Variants in MCTP1 observed in about 807,000 individuals in gnomAD.
MCTP1 encodes the protein multiple C2 and transmembrane domain containing 1.
A neutral mutation model predicts 120.6 loss-of-function variants in MCTP1; 69 were observed. That is an observed-to-expected ratio of 0.57 (90% CI 0.47 to 0.70). The LOEUF is 0.70. MCTP1 is among the 30% of genes least tolerant of loss of function. The pLI is 0.00. For synonymous variants in MCTP1, 529 were observed against 493.1 expected (o/e 1.07, Z -0.96); for missense variants, 1,203 against 1,248.8 (o/e 0.96, Z 0.55).
intron 1 of MCTP1, among the ~76,000 whole-genome samples, chr5:95,056,319 T>C (rs1304285634): frequency 6.6e-6 from 1 of 152,168 alleles, no homozygotes; most frequent in East Asian, 1.9e-4. Flanking sequence ...AAACTTTATA[T>C]AGACAGGGTG....
chr5:95,138,029 G>A (rs998061219), intron 1 of MCTP1, among the ~76,000 whole-genome samples: 3 of 152,046 alleles, frequency 2.0e-5, no homozygotes, highest in African/African-American at 4.8e-5. Context: ...TAACAATCAC[G>A]CAAATGTGTT....
At chr5:95,024,745 C>A (rs1838910812) in intron 1 of MCTP1, among the ~76,000 whole-genome samples, 2 of 151,660 alleles carry the variant, frequency 1.3e-5, no homozygotes, top group Admixed American at 6.6e-5. Flanking sequence ...GAGACAAAAT[C>A]AACTTACAAA....
chr5:94,933,527 C>T (rs1278766298), intron 5 of MCTP1, among the ~76,000 whole-genome samples: 14 of 151,734 alleles, frequency 9.2e-5, no homozygotes, highest in Admixed American at 9.2e-4. Context: ...TCTCACCAAG[C>T]AGAGTTTCAA....
intron 17 of MCTP1, chr5:94,867,439 G>A: frequency 2.1e-6 from 2 of 965,758 alleles, no homozygotes; most frequent in East Asian, 2.6e-5. Context: ...TCATTTGAAT[G>A]GTAATACTAA....
chr5:94,934,755 T>TTA (rs1554142483), intron 5 of MCTP1, among the ~76,000 whole-genome samples: 1 of 151,020 alleles, frequency 6.6e-6, no homozygotes, highest in African/African-American at 2.4e-5. Flanking sequence ...TTTTTTTTTT[T>TTA]ACTCATCAAA....
chr5:94,939,856 A>T (rs1817148363), intron 5 of MCTP1, among the ~76,000 whole-genome samples: 1 of 152,044 alleles, frequency 6.6e-6, no homozygotes, highest in Admixed American at 6.6e-5. Context: ...AAAAATTCAA[A>T]TCTATTTCTT....
chr5:94,848,863 T>C (rs1417020128), intron 17 of MCTP1, among the ~76,000 whole-genome samples: 1 of 151,960 alleles, frequency 6.6e-6, no homozygotes, highest in African/African-American at 2.4e-5. Flanking sequence ...GCATCTTATT[T>C]TGTAGAAATT....
intron 2 of MCTP1, among the ~76,000 whole-genome samples, chr5:94,991,889 A>AAT (rs202170710): frequency 0.046 from 6,920 of 151,452 alleles, 281 homozygotes; most frequent in East Asian, 0.085. Context: ...AAAAAAAATA[A>AAT]AAATAAATAA....
Position 95,205,614 on chromosome 5 carries a change from T to C in MCTP1, c.720+78242A>G, listed in dbSNP as rs146166551. ...TGATAAGGGACTTGTATCTAGAATA[T>C]ATAAAGAACTTTTACACACAATACA... is the stretch of plus-strand genomic sequence containing the variant. On this transcript the variant is annotated intron_variant, in intron 1 of 22. Transcript: ENST00000515393. Among the ~76,000 whole-genome samples, 547 of 152,238 alleles carry C rather than the reference T, an allele frequency of 3.6e-3. 5 individuals carry two copies. Among genetic ancestry groups the C allele is most frequent in the African/African-American group, 0.012 (504 of 41,550 alleles).
At chr5:94,948,306 A>G (rs1027234339) in intron 3 of MCTP1, among the ~76,000 whole-genome samples, 10 of 152,212 alleles carry the variant, frequency 6.6e-5, no homozygotes, top group African/African-American at 2.4e-4. Context: ...TCTGGCATTT[A>G]GCACTCTTCT....
At chr5:95,035,637 G>A (rs1030385) in intron 1 of MCTP1, among the ~76,000 whole-genome samples, 123,551 of 151,930 alleles carry the variant, frequency 0.81, 51,671 homozygotes, top group South Asian at 0.93. Context: ...CTATTTGGGT[G>A]ATAGGTTCAC....
At chr5:94,753,749 C>T (rs1769075312) in intron 19 of MCTP1, among the ~76,000 whole-genome samples, 1 of 152,138 alleles carries the variant, frequency 6.6e-6, no homozygotes, top group African/African-American at 2.4e-5. Context: ...ATGGGAGGAC[C>T]AATGAACATG....
intron 1 of MCTP1, among the ~76,000 whole-genome samples, chr5:95,064,286 C>G (rs1750033026): frequency 6.6e-6 from 1 of 152,200 alleles, no homozygotes; most frequent in Non-Finnish European, 1.5e-5. Flanking sequence ...TAATGATACA[C>G]CAATAACCAC....
rs775744631 is a variant in MCTP1, at chr5:94,870,408, G to C, written c.2316+9C>G. On this transcript the variant is annotated intron_variant, in intron 16 of 22. Coordinates refer to ENST00000515393, the MANE Select transcript of MCTP1 (RefSeq NM_024717.7). ...TTCCCAGAGGGATTAATCTTTTCTT[G>C]CTTTTTACCTGTTTAGAGAGTCTGT... 5 of 1,579,430 alleles carry C rather than the reference G, an allele frequency of 3.2e-6. No individual in the cohort carries two copies. The highest frequency in any genetic ancestry group is 2.2e-5 in the East Asian group (1 of 44,626).
chr5:95,112,240 G>A (rs1757514053), intron 1 of MCTP1, among the ~76,000 whole-genome samples: 1 of 152,128 alleles, frequency 6.6e-6, no homozygotes, highest in Non-Finnish European at 1.5e-5. Flanking sequence ...AGTGATGCCA[G>A]AGGACAGCTC....
chr5:94,718,206 C>T (rs1305442656), intron 19 of MCTP1, among the ~76,000 whole-genome samples: 3 of 151,990 alleles, frequency 2.0e-5, no homozygotes, highest in Admixed American at 6.6e-5. Flanking sequence ...GAAATAAGAC[C>T]GCACATCTAC....
intron 15 of MCTP1, 99 bp downstream of exon 15, chr5:94,870,773 G>A: frequency 1.1e-6 from 1 of 897,166 alleles, no homozygotes; most frequent in Non-Finnish European, 1.8e-6. Context: ...AAGGTTTAGA[G>A]AAAATGAGGA....
At position 94,790,496 on chromosome 5, in the gene MCTP1, G is replaced by T. The variant is rs545996020; in HGVS notation, c.2556+8517C>A. On this transcript the variant is annotated intron_variant, in intron 18 of 22. Coordinates refer to ENST00000515393, the MANE Select transcript of MCTP1 (RefSeq NM_024717.7). ...GTTCATCATGGTCAGCAGCTGTGGG[G>T]TGTGTTGGGTTAATAGGATGAGAAG... 3.3e-5 allele frequency among the ~76,000 whole-genome samples: 5 copies of T among 152,332 alleles called. No individual in the cohort carries two copies. The South Asian group carries it at 8.3e-4, about 25-fold the overall frequency.
At chr5:94,988,469 T>A (rs909403172) in intron 2 of MCTP1, among the ~76,000 whole-genome samples, 1 of 152,190 alleles carries the variant, frequency 6.6e-6, no homozygotes, top group Non-Finnish European at 1.5e-5. Context: ...AATGAATATA[T>A]TTTTCAAATG....
Sources: gnomAD v4.1 joint callset for allele counts (sites outside exome capture counted in the v4.1 genomes callset) on GRCh38, gnomAD v4.1.1 for gene constraint, MANE v1.5 for transcripts, NCBI Gene and HGNC (gene_info 2026-07-23, HGNC 2026-07-21) for gene names.